Variants in KHDRBS2 observed in about 807,000 individuals in gnomAD.
The protein encoded by KHDRBS2 is KH domain-containing, RNA-binding, signal transduction-associated protein 2.
KHDRBS2 carries 26 observed loss-of-function variants against 44.3 expected under a neutral mutation model. The ratio of observed to expected loss-of-function variants is 0.59; its 90% CI spans 0.43 to 0.81. The LOEUF (loss-of-function observed/expected upper bound fraction) is 0.81, where lower values mean the gene tolerates loss of function less well. Ranked by LOEUF, KHDRBS2 falls within the 40% of genes least tolerant of loss-of-function variation. The pLI, the probability that KHDRBS2 is intolerant of heterozygous loss-of-function variation, is 0.00. For synonymous variants in KHDRBS2, 194 were observed against 151.1 expected, an observed-to-expected ratio of 1.28 and a Z score of -2.08; for missense variants, 476 against 433.1, an observed-to-expected ratio of 1.10 and a Z score of -0.88.
intron 2 of KHDRBS2, among the ~76,000 whole-genome samples, chr6:62,167,975 A>G (rs1819059126): frequency 6.6e-6 from 1 of 152,134 alleles, no homozygotes; most frequent in Admixed American, 6.6e-5. Context: ...ATGTATAAAG[A>G]AGGAAACGCA....
the KHDRBS2 span, among the ~76,000 whole-genome samples, chr6:61,586,639 G>GT: frequency 2.6e-5 from 4 of 152,074 alleles, no homozygotes; most frequent in Admixed American, 6.6e-5. Flanking sequence ...AAAGAGAAAG[G>GT]TTTTTTTCTA....
At chr6:61,958,125 T>G (rs1767826959) in intron 4 of KHDRBS2, among the ~76,000 whole-genome samples, 1 of 152,134 alleles carries the variant, frequency 6.6e-6, no homozygotes, top group African/African-American at 2.4e-5. Context: ...TCTATTGACA[T>G]CAAAACCATT....
chr6:62,212,905 G>T (rs1021441049), intron 1 of KHDRBS2, among the ~76,000 whole-genome samples: 31 of 152,014 alleles, frequency 2.0e-4, no homozygotes, highest in Admixed American at 3.3e-4. Context: ...AGGGAAGGGG[G>T]TGCATAACAT....
rs368256137 is a variant in KHDRBS2 at position 62,169,161 on chromosome 6, ACACATATATG to A, written c.219+8014_219+8023del. Among the ~76,000 whole-genome samples the A allele has an allele frequency of 5.8e-3, 479 of 82,948 alleles. 5 individuals carry two copies. The highest frequency in any genetic ancestry group is 0.018 in the Middle Eastern group (3 of 170). 54.4% of individuals were successfully genotyped at this position (82,948 alleles called of 152,430 possible). A position where few individuals can be genotyped will look rare whatever the true frequency, so the allele number is the denominator to read the frequency against. The stretch of plus-strand genomic sequence containing the variant: ...CACATATATGTGTGTATATATACGT[ACACATATATG>A]TATATATGTATATATACGTATACAT... On this transcript the variant is annotated intron_variant, in intron 2 of 8. Coordinates refer to ENST00000281156, the MANE Select transcript of KHDRBS2 (RefSeq NM_152688.4).
chr6:61,561,749 C>A, the KHDRBS2 span, among the ~76,000 whole-genome samples: 2 of 152,152 alleles, frequency 1.3e-5, no homozygotes, highest in African/African-American at 4.8e-5. Context: ...GGGCAGTGGG[C>A]TCCTCTCTGG....
At chr6:61,719,425 G>T (rs1771990721) in intron 7 of KHDRBS2, among the ~76,000 whole-genome samples, 1 of 151,508 alleles carries the variant, frequency 6.6e-6, no homozygotes, top group Admixed American at 6.6e-5. Flanking sequence ...GATTTCAGAA[G>T]GTTGACCTTT....
At chr6:62,282,956 T>C (rs1179324572) in intron 1 of KHDRBS2, among the ~76,000 whole-genome samples, 2 of 152,114 alleles carry the variant, frequency 1.3e-5, no homozygotes, top group Non-Finnish European at 2.9e-5. Context: ...TCTAGGTATC[T>C]AGATTCACAG....
chr6:62,093,636 C>T lies in KHDRBS2; in HGVS notation c.220-45642G>A, dbSNP rs149537135. Among the ~76,000 whole-genome samples, 524 of 151,950 alleles carry T rather than the reference C, an allele frequency of 3.4e-3. 3 individuals carry two copies. The highest frequency in any genetic ancestry group is 0.012 in the African/African-American group (491 of 41,516). ...TAGCTTGGGGCTTGTTGACCAATCTCTCATCCCTCCTTTACACCCTCCAAA... is the reference window on the plus strand; with the variant it reads ...TAGCTTGGGGCTTGTTGACCAATCTTTCATCCCTCCTTTACACCCTCCAAA... On this transcript the variant is annotated intron_variant, in intron 2 of 8. Coordinates refer to ENST00000281156, the MANE Select transcript of KHDRBS2 (RefSeq NM_152688.4).
intron 2 of KHDRBS2, among the ~76,000 whole-genome samples, chr6:62,161,684 T>C (rs1817696116): frequency 6.6e-6 from 1 of 151,720 alleles, no homozygotes; most frequent in Non-Finnish European, 1.5e-5. Context: ...ACATGTTTTA[T>C]AGCATTTTTG....
chr6:61,894,807 G>A lies in KHDRBS2; in HGVS notation c.638C>T (p.Pro213Leu), dbSNP rs139228211. 4.9e-5 allele frequency: 79 copies of A among 1,612,062 alleles called. No homozygotes were observed. In the African/African-American group the frequency reaches 9.3e-4, roughly 19 times the overall value. The change falls in exon 6 of 9, where the codon CCC (proline) becomes CTC (leucine). Residue 213 changes from proline to leucine, a missense_variant. Coordinates refer to ENST00000281156, the MANE Select transcript of KHDRBS2 (RefSeq NM_152688.4). Reference sequence around the variant, plus strand: ...GAGAACACCTCGTCCAGGTGGTGGGGGAGGAGGAATGGCACCCCCACGGCC... The same window carrying A: ...GAGAACACCTCGTCCAGGTGGTGGGAGAGGAGGAATGGCACCCCCACGGCC... The part of the protein sequence containing the change: ...SRGRGGAIPP[P>L]PPPGRGVLTP...
At chr6:61,742,043 A>G (rs1582535841) in intron 6 of KHDRBS2, among the ~76,000 whole-genome samples, 1 of 152,150 alleles carries the variant, frequency 6.6e-6, no homozygotes, top group South Asian at 2.1e-4. Context: ...GAAAAGAGCA[A>G]TAATAATCAA....
At chr6:61,757,893 C>A (rs998079561) in intron 6 of KHDRBS2, among the ~76,000 whole-genome samples, 1 of 152,228 alleles carries the variant, frequency 6.6e-6, no homozygotes, top group African/African-American at 2.4e-5. Context: ...AGACATTATT[C>A]CCAGTCCTGT....
At chr6:61,951,122 T>C (rs963305722) in intron 4 of KHDRBS2, among the ~76,000 whole-genome samples, 3 of 152,010 alleles carry the variant, frequency 2.0e-5, no homozygotes, top group Admixed American at 6.6e-5. Context: ...TTTCAATATT[T>C]CAAAAATGGG....
chr6:61,971,231 A>G (rs946383081), intron 4 of KHDRBS2, among the ~76,000 whole-genome samples: 1 of 152,118 alleles, frequency 6.6e-6, no homozygotes, highest in East Asian at 1.9e-4. Flanking sequence ...AGGGAACAAC[A>G]ATAACAACAA....
At chr6:62,156,638 CTTTTG>C (rs892772463) in intron 2 of KHDRBS2, among the ~76,000 whole-genome samples, 11 of 151,838 alleles carry the variant, frequency 7.2e-5, no homozygotes, top group Non-Finnish European at 1.6e-4. Context: ...AATTTTGTAG[CTTTTG>C]TTTGTTTGTT....
chr6:62,138,962 A>G (rs1374624466), intron 2 of KHDRBS2, among the ~76,000 whole-genome samples: 1 of 152,216 alleles, frequency 6.6e-6, no homozygotes, highest in Non-Finnish European at 1.5e-5. Context: ...GCCATGGGCA[A>G]GTCATAAGTA....
intron 2 of KHDRBS2, among the ~76,000 whole-genome samples, chr6:62,135,418 C>T (rs1234606684): frequency 6.6e-6 from 1 of 151,968 alleles, no homozygotes; most frequent in African/African-American, 2.4e-5. Flanking sequence ...TTATCAGCAG[C>T]GTGAAAATAG....
intron 2 of KHDRBS2, among the ~76,000 whole-genome samples, chr6:62,162,123 T>C (rs1282332246): frequency 2.6e-5 from 4 of 152,066 alleles, no homozygotes; most frequent in Non-Finnish European, 5.9e-5. Flanking sequence ...CTACAAACCA[T>C]TGTTAAGATA....
intron 2 of KHDRBS2, among the ~76,000 whole-genome samples, chr6:62,058,617 A>T (rs1211281509): frequency 1.3e-5 from 2 of 151,940 alleles, no homozygotes; most frequent in African/African-American, 4.8e-5. Flanking sequence ...AAATGACAAC[A>T]TTTCAGGTAT....
Sources: gnomAD v4.1 joint callset for allele counts (sites outside exome capture counted in the v4.1 genomes callset) on GRCh38, gnomAD v4.1.1 for gene constraint, MANE v1.5 for transcripts, NCBI Gene and HGNC (gene_info 2026-07-23, HGNC 2026-07-21) for gene names.